The following PDE4D variants were observed in gnomAD, a reference collection of about 807,000 sequenced individuals.
PDE4D encodes the protein 3',5'-cyclic-AMP phosphodiesterase 4D.
A neutral mutation model predicts 87.4 loss-of-function variants in PDE4D; 24 were observed. The observed-to-expected ratio is 0.27, with a 90% CI of 0.20 to 0.39. The LOEUF (loss-of-function observed/expected upper bound fraction) is 0.39, where lower values mean the gene tolerates loss of function less well. PDE4D is among the 10% of genes least tolerant of loss of function. The pLI is 1.00. For missense variants in PDE4D, 714 were observed against 1,041.0 expected, an observed-to-expected ratio of 0.69 and a Z score of 4.32; for synonymous variants, 384 against 383.2, an observed-to-expected ratio of 1.00 and a Z score of -0.02.
At chr5:59,365,238 C>A (rs894097071) in intron 1 of PDE4D, among the ~76,000 whole-genome samples, 3 of 152,168 alleles carry the variant, frequency 2.0e-5, no homozygotes, top group African/African-American at 7.2e-5. Flanking sequence ...GCGGACAGAT[C>A]TCTTGAGCCC....
intron 1 of PDE4D, among the ~76,000 whole-genome samples, chr5:60,189,641 A>G (rs1785051085): frequency 6.6e-6 from 1 of 152,234 alleles, no homozygotes; most frequent in Non-Finnish European, 1.5e-5. Flanking sequence ...TAGAGAAGCT[A>G]CTGAACAGGA....
At chr5:59,540,356 AC>A (rs993036923) in intron 1 of PDE4D, among the ~76,000 whole-genome samples, 11 of 152,118 alleles carry the variant, frequency 7.2e-5, no homozygotes, top group African/African-American at 2.4e-4. Context: ...ATTTAAAAAA[AC>A]GAAAACAAAA....
intron 2 of PDE4D, among the ~76,000 whole-genome samples, chr5:59,215,015 C>A (rs988191323): frequency 1.3e-5 from 2 of 151,992 alleles, no homozygotes; most frequent in African/African-American, 4.8e-5. Context: ...AGATGAAGAT[C>A]GATTCTATAC....
intron 1 of PDE4D, among the ~76,000 whole-genome samples, chr5:60,373,315 T>C (rs1227309223): frequency 6.6e-6 from 1 of 152,212 alleles, no homozygotes; most frequent in African/African-American, 2.4e-5. Flanking sequence ...ACAATCACCA[T>C]GAGGAGCTGG....
At chr5:60,474,096 T>G (rs1748078813) in intron 1 of PDE4D, among the ~76,000 whole-genome samples, 2 of 79,968 alleles carry the variant, frequency 2.5e-5, no homozygotes, top group African/African-American at 3.7e-5. Flanking sequence ...CTCAGTCCCT[T>G]TGAGCTGCCA....
chr5:59,322,241 CA>C (rs1464419492), intron 1 of PDE4D, among the ~76,000 whole-genome samples: 1 of 152,078 alleles, frequency 6.6e-6, no homozygotes, highest in Non-Finnish European at 1.5e-5. Flanking sequence ...ATAGTTCAAT[CA>C]TTTTTTATTG....
chr5:59,271,391 T>A (rs1763827972), intron 1 of PDE4D, among the ~76,000 whole-genome samples: 1 of 152,154 alleles, frequency 6.6e-6, no homozygotes, highest in Non-Finnish European at 1.5e-5. Context: ...ACAGAAATAG[T>A]ATTTACAGCT....
At chr5:59,781,530 G>A (rs1233412457) in intron 1 of PDE4D, among the ~76,000 whole-genome samples, 1 of 151,986 alleles carries the variant, frequency 6.6e-6, no homozygotes, top group Non-Finnish European at 1.5e-5. Flanking sequence ...GCTCATGCTT[G>A]TAATCCCAGC....
At chr5:60,068,009 T>C (rs1772294859) in intron 2 of PDE4D, among the ~76,000 whole-genome samples, 1 of 152,198 alleles carries the variant, frequency 6.6e-6, no homozygotes, top group African/African-American at 2.4e-5. Flanking sequence ...TTAACTATTG[T>C]GAATAATCCT....
chr5:60,068,021 C>T (rs1772296042), intron 2 of PDE4D, among the ~76,000 whole-genome samples: 3 of 152,182 alleles, frequency 2.0e-5, no homozygotes, highest in African/African-American at 4.8e-5. Context: ...AATAATCCTA[C>T]AATGAATATA....
At chr5:59,746,921 A>T (rs1448934998) in intron 1 of PDE4D, among the ~76,000 whole-genome samples, 1 of 152,128 alleles carries the variant, frequency 6.6e-6, no homozygotes, top group Non-Finnish European at 1.5e-5. Context: ...TGTAACTCAC[A>T]TCATTAATCT....
At chr5:60,050,723 T>G (rs995559199) in intron 2 of PDE4D, among the ~76,000 whole-genome samples, 2 of 152,160 alleles carry the variant, frequency 1.3e-5, no homozygotes, top group African/African-American at 4.8e-5. Flanking sequence ...ATGCCCCAAT[T>G]AAAAGACACA....
intron 5 of PDE4D, among the ~76,000 whole-genome samples, chr5:59,135,816 A>T (rs1257989822): frequency 6.6e-6 from 1 of 152,196 alleles, no homozygotes; most frequent in African/African-American, 2.4e-5. Flanking sequence ...AAATCTCTAC[A>T]TAGCATGAGG....
At chr5:59,877,016 T>C (rs1371573960) in intron 1 of PDE4D, among the ~76,000 whole-genome samples, 1 of 152,166 alleles carries the variant, frequency 6.6e-6, no homozygotes, top group African/African-American at 2.4e-5. Context: ...AAAATATATA[T>C]AAAATCCTGG....
intron 1 of PDE4D, among the ~76,000 whole-genome samples, chr5:59,317,519 A>G (rs1265522196): frequency 2.6e-5 from 4 of 152,088 alleles, no homozygotes; most frequent in African/African-American, 9.7e-5. Flanking sequence ...GACTTCCCAA[A>G]TTACAGGCAT....
chr5:59,992,559 T>A (rs994251445), intron 2 of PDE4D, among the ~76,000 whole-genome samples: 1 of 152,204 alleles, frequency 6.6e-6, no homozygotes, highest in African/African-American at 2.4e-5. Context: ...GCACTAAATA[T>A]AGCTGGCCAA....
At position 58,975,961 on chromosome 5, in the gene PDE4D, T is replaced by A; in HGVS notation, c.1831-122A>T. 4.1e-6 allele frequency: 3 copies of A among 739,518 alleles called. No homozygotes were observed. The highest frequency in any genetic ancestry group is 6.1e-6 in the Non-Finnish European group (3 of 490,472). 45.8% of individuals were successfully genotyped at this position (739,518 alleles called of 1,614,324 possible). ...CTTAAAAATACACGTAGTGTAAGAT[T>A]TATTCCAAACAGCTCAACCATGATG... is the stretch of plus-strand genomic sequence containing the variant. On this transcript the variant is annotated intron_variant, in intron 13 of 14. Transcript: ENST00000340635. The surrounding 1 kb of genome is among the most constrained non-coding windows in gnomAD (Gnocchi z 4.2).
At chr5:59,497,254 A>G (rs1207268727) in intron 1 of PDE4D, among the ~76,000 whole-genome samples, 1 of 150,944 alleles carries the variant, frequency 6.6e-6, no homozygotes, top group Non-Finnish European at 1.5e-5. Context: ...AGAAGGAACC[A>G]GCACAAGAAC....
At chr5:59,962,958 G>T (rs1344495107) in intron 3 of PDE4D, among the ~76,000 whole-genome samples, 4 of 152,128 alleles carry the variant, frequency 2.6e-5, no homozygotes, top group African/African-American at 9.7e-5. Flanking sequence ...CAGCTGCTCT[G>T]TCCCCACAGA....
Sources: allele counts gnomAD v4.1 joint callset (sites outside exome capture counted in the v4.1 genomes callset), GRCh38; gene constraint gnomAD v4.1.1; non-coding constraint Gnocchi (gnomAD v3.1); transcripts MANE v1.5; gene names NCBI Gene and HGNC (gene_info 2026-07-23, HGNC 2026-07-21).